The following RBM38 variants were observed in gnomAD, a reference collection of about 807,000 sequenced individuals.
RBM38 encodes the protein RNA binding motif protein 38.
Under a neutral mutation model 23.5 loss-of-function variants are expected in RBM38, and 11 were observed. The observed-to-expected ratio is 0.47, with a 90% CI of 0.29 to 0.77. The LOEUF (loss-of-function observed/expected upper bound fraction) is 0.77. RBM38 is among the 30% of genes least tolerant of loss of function. RBM38 has a pLI of 0.08. For synonymous variants in RBM38, 165 were observed against 166.1 expected (o/e 0.99, Z 0.05); for missense variants, 330 against 351.9 (o/e 0.94, Z 0.50).
intron 3 of RBM38, among the ~76,000 whole-genome samples, chr20:57,395,986 C>T (rs765382152): frequency 1.3e-5 from 2 of 152,186 alleles, no homozygotes; most frequent in Non-Finnish European, 2.9e-5. Context: ...CCTGGCTGAA[C>T]TCTTCCTTGA....
At chr20:57,402,507 G>A (rs763175721) in intron 3 of RBM38, among the ~76,000 whole-genome samples, 1 of 152,228 alleles carries the variant, frequency 6.6e-6, no homozygotes, top group Non-Finnish European at 1.5e-5. Context: ...GTCCCACCAG[G>A]GCCAGGCAGA....
At chr20:57,393,151 G>A (rs1422958712) in intron 2 of RBM38, 128 bp from the exon 3 acceptor site, 1 of 917,294 alleles carries the variant, frequency 1.1e-6, no homozygotes, top group African/African-American at 1.6e-5. Flanking sequence ...GGCCTGGGAG[G>A]GGAGAGGAAG....
chr20:57,395,653 G>C (rs2067266586), intron 3 of RBM38, among the ~76,000 whole-genome samples: 1 of 152,194 alleles, frequency 6.6e-6, no homozygotes, highest in African/African-American at 2.4e-5. Context: ...CCCTGCCTGG[G>C]CCTTACTGAG....
intron 3 of RBM38, among the ~76,000 whole-genome samples, chr20:57,400,711 C>T (rs1385694800): frequency 6.6e-6 from 1 of 152,040 alleles, no homozygotes; most frequent in East Asian, 1.9e-4. Flanking sequence ...GGGATTAATT[C>T]TCTGGTAAAC....
chr20:57,391,928 C>T (rs1424916503), intron 1 of RBM38, 110 bp downstream of exon 1: 13 of 739,010 alleles, frequency 1.8e-5, no homozygotes, highest in Middle Eastern at 5.0e-4. Flanking sequence ...CGCCCCCGCC[C>T]CAGGCGCCTC....
In RBM38 at chr20:57,408,336, G is replaced by A. The variant is rs531204119; in HGVS notation, c.*490G>A. ...TCCCGAGCTGTGAGCGCAGTCTGAG[G>A]TGTGAGGACACGGCCTCCTGTTGGA... On this transcript the variant is annotated 3_prime_UTR_variant, in exon 4 of 4. Coordinates refer to ENST00000356208, the MANE Select transcript of RBM38 (RefSeq NM_017495.6). The A allele has an allele frequency of 5.9e-6, 1 of 168,442 alleles. No homozygotes were observed. Among genetic ancestry groups the A allele is most frequent in the East Asian group, 1.5e-4 (1 of 6,640 alleles). The allele number at this position is 168,442 out of a possible 1,614,324, so 10.4% of individuals were successfully genotyped here.
intron 3 of RBM38, among the ~76,000 whole-genome samples, chr20:57,395,880 G>A (rs919009132): frequency 6.6e-6 from 1 of 152,228 alleles, no homozygotes; most frequent in Non-Finnish European, 1.5e-5. Context: ...TCGGCCTTGG[G>A]CTGGCAGCGA....
chr20:57,400,043 T>A (rs6014986), intron 3 of RBM38: 125,660 of 452,852 alleles, frequency 0.28, 24,250 homozygotes, highest in African/African-American at 0.72. Context: ...TACTTCTCTC[T>A]CCCGCCCACC....
At chr20:57,393,100 T>A (rs2067238104) in intron 2 of RBM38, 179 bp from the exon 3 acceptor site, 1 of 681,360 alleles carries the variant, frequency 1.5e-6, no homozygotes, top group Non-Finnish European at 2.6e-6. Context: ...CGTCACTCAC[T>A]GCCACACTTC....
In RBM38 at chr20:57,408,220, G is replaced by GC. The variant is rs1209771637; in HGVS notation, c.*378dup. ...GGCGGGGTGTCACAGACCCTCTGCA[G>GC]CCCCTGGCTGCCCTGGACTGTGCAG... On this transcript the variant is annotated 3_prime_UTR_variant, in exon 4 of 4. Coordinates refer to ENST00000356208, the MANE Select transcript of RBM38 (RefSeq NM_017495.6). 1 of 364,490 alleles carries GC rather than the reference G, an allele frequency of 2.7e-6. No individual in the cohort carries two copies. The highest frequency in any genetic ancestry group is 5.2e-6 in the Non-Finnish European group (1 of 190,956). 22.6% of individuals were successfully genotyped at this position (364,490 alleles called of 1,614,324 possible). A position where few individuals can be genotyped will look rare whatever the true frequency, so the allele number is the denominator to read the frequency against.
At chr20:57,405,254 AG>A (rs2067370036) in intron 3 of RBM38, among the ~76,000 whole-genome samples, 1 of 152,198 alleles carries the variant, frequency 6.6e-6, no homozygotes, top group South Asian at 2.1e-4. Flanking sequence ...CTAGAAGCTA[AG>A]CCCCTCGAGG....
chr20:57,397,487 A>C (rs186665075), intron 3 of RBM38, among the ~76,000 whole-genome samples: 1 of 152,268 alleles, frequency 6.6e-6, no homozygotes, highest in Non-Finnish European at 1.5e-5. Flanking sequence ...GCCCCACTGC[A>C]TGTATAGTTT....
At chr20:57,395,756 C>CGGAGCTGG (rs2067268176) in intron 3 of RBM38, among the ~76,000 whole-genome samples, 1 of 141,358 alleles carries the variant, frequency 7.1e-6, no homozygotes, top group Admixed American at 6.7e-5. Flanking sequence ...CGCCCGCTGA[C>CGGAGCTGG]GGAGCTGGAG....
intron 3 of RBM38, among the ~76,000 whole-genome samples, chr20:57,394,794 A>G (rs776394165): frequency 3.1e-4 from 47 of 152,164 alleles, no homozygotes; most frequent in Non-Finnish European, 6.0e-4. Flanking sequence ...GGCCCACAGC[A>G]GGCGCCTGGG....
In RBM38 at chr20:57,402,278, G is replaced by A. The variant is rs76264773; in HGVS notation, c.417-5265G>A. On this transcript the variant is annotated intron_variant, in intron 3 of 3. Coordinates refer to ENST00000356208, the MANE Select transcript of RBM38 (RefSeq NM_017495.6). ...CAACTGCTGCTGGGTGAAGGATTCA[G>A]GGATGGAGGCAGGTCTCCACCACCA... is the stretch of plus-strand genomic sequence containing the variant. Among the ~76,000 whole-genome samples the A allele has an allele frequency of 9.8e-4, 150 of 152,352 alleles. 4 individuals carry two copies. The East Asian group carries it at 0.029, about 29-fold the overall frequency.
chr20:57,396,879 C>T (rs1010693526), intron 3 of RBM38, among the ~76,000 whole-genome samples: 3 of 152,168 alleles, frequency 2.0e-5, no homozygotes, highest in African/African-American at 7.2e-5. Flanking sequence ...CAATAAGGGC[C>T]AGTACGAACT....
intron 3 of RBM38, among the ~76,000 whole-genome samples, chr20:57,402,598 T>A (rs11907421): frequency 1.8e-4 from 27 of 152,036 alleles, no homozygotes; most frequent in Middle Eastern, 3.4e-3. Flanking sequence ...TGTGCCCTTG[T>A]GTGCAGAGGC....
rs2067237363 is a variant in RBM38, at chr20:57,393,030, A to G, written c.362-249A>G. 1.7e-5 allele frequency: 11 copies of G among 654,996 alleles called. No individual in the cohort carries two copies. The South Asian group carries it at 2.1e-4, about 13-fold the overall frequency. 40.6% of individuals were successfully genotyped at this position (654,996 alleles called of 1,614,324 possible). ...GTTGCCAGCTGTCCTCGCAGGAGGG[A>G]GGAAGTGGCCATGGGGCCTGGAGGT... is the stretch of plus-strand genomic sequence containing the variant. On this transcript the variant is annotated intron_variant, in intron 2 of 3. Coordinates refer to ENST00000356208, the MANE Select transcript of RBM38 (RefSeq NM_017495.6).
chr20:57,397,299 G>A (rs1265416913), intron 3 of RBM38, among the ~76,000 whole-genome samples: 1 of 152,250 alleles, frequency 6.6e-6, no homozygotes, highest in East Asian at 1.9e-4. Context: ...GCAACTGAGA[G>A]ACTTGCTGAG....
Sources: allele counts gnomAD v4.1 joint callset (sites outside exome capture counted in the v4.1 genomes callset), GRCh38; gene constraint gnomAD v4.1.1; transcripts MANE v1.5; gene names NCBI Gene and HGNC (gene_info 2026-07-23, HGNC 2026-07-21).